PDZRN4: variants seen among roughly 807,000 people sequenced by gnomAD.
PDZRN4 encodes PDZ domain-containing RING finger protein 4.
Under a neutral mutation model 99.0 loss-of-function variants are expected in PDZRN4, and 70 were observed. That is an observed-to-expected ratio of 0.71 (90% CI 0.58 to 0.86). PDZRN4 has a LOEUF of 0.86. Among genes scored for constraint, PDZRN4 ranks in the 40% least tolerant of loss-of-function variants. The pLI is 0.00. For missense variants in PDZRN4, 1,474 were observed against 1,331.2 expected (o/e 1.11, Z -1.67); for synonymous variants, 551 against 501.6 (o/e 1.10, Z -1.32).
chr12:41,338,429 A>AT (rs1442823060), intron 3 of PDZRN4, among the ~76,000 whole-genome samples: 1 of 152,054 alleles, frequency 6.6e-6, no homozygotes, highest in East Asian at 1.9e-4. Flanking sequence ...TTATTTTTCC[A>AT]TTTTGAATAG....
chr12:41,439,395 T>C (rs1952658149), intron 3 of PDZRN4, among the ~76,000 whole-genome samples: 1 of 152,180 alleles, frequency 6.6e-6, no homozygotes, highest in East Asian at 1.9e-4. Context: ...TAGTATTGTT[T>C]CTCTTTGGGT....
At chr12:41,546,475 G>T (rs1938954357) in intron 5 of PDZRN4, among the ~76,000 whole-genome samples, 2 of 152,150 alleles carry the variant, frequency 1.3e-5, no homozygotes, top group Non-Finnish European at 2.9e-5. Context: ...GATACATACT[G>T]TACGATCTCA....
intron 3 of PDZRN4, among the ~76,000 whole-genome samples, chr12:41,292,628 G>A (rs1235483183): frequency 2.0e-5 from 3 of 152,074 alleles, no homozygotes; most frequent in Non-Finnish European, 2.9e-5. Context: ...TTTTAAGTAC[G>A]CATGATATTA....
chr12:41,374,161 G>GAACATTTC (rs139929974), intron 3 of PDZRN4, among the ~76,000 whole-genome samples: 71,907 of 151,926 alleles, frequency 0.47, 17,798 homozygotes, highest in Middle Eastern at 0.65. Flanking sequence ...GAAAATGCCT[G>GAACATTTC]AGGTACATGA....
intron 3 of PDZRN4, among the ~76,000 whole-genome samples, chr12:41,328,793 G>A (rs1698360861): frequency 6.6e-6 from 1 of 152,100 alleles, no homozygotes; most frequent in African/African-American, 2.4e-5. Flanking sequence ...ACCAGACTCA[G>A]GAAGACAGGA....
intron 3 of PDZRN4, among the ~76,000 whole-genome samples, chr12:41,465,515 AG>A (rs1952916378): frequency 6.6e-6 from 1 of 152,238 alleles, no homozygotes; most frequent in South Asian, 2.1e-4. Flanking sequence ...ATAAATGGAA[AG>A]ATTATGTATT....
chr12:41,569,917 G>A (rs1453522879), intron 9 of PDZRN4, among the ~76,000 whole-genome samples: 3 of 152,030 alleles, frequency 2.0e-5, no homozygotes. Flanking sequence ...TTCAACACTG[G>A]CCAAAAATAA....
intron 3 of PDZRN4, among the ~76,000 whole-genome samples, chr12:41,402,692 A>G (rs973951192): frequency 1.4e-5 from 2 of 139,778 alleles, no homozygotes; most frequent in African/African-American, 2.7e-5. Flanking sequence ...CTGAGTATAT[A>G]CATATATATA....
At chr12:41,367,912 C>G (rs1481252065) in intron 3 of PDZRN4, among the ~76,000 whole-genome samples, 1 of 152,102 alleles carries the variant, frequency 6.6e-6, no homozygotes, top group African/African-American at 2.4e-5. Context: ...ATCATTGGCA[C>G]TGAGTTTAAC....
chr12:41,562,520 G>T (rs1246578484), intron 7 of PDZRN4, among the ~76,000 whole-genome samples: 4 of 152,124 alleles, frequency 2.6e-5, no homozygotes, highest in Non-Finnish European at 5.9e-5. Context: ...AGAATTACTT[G>T]ATCTCTTTAA....
chr12:41,561,173 A>C (rs1277888267), intron 7 of PDZRN4, among the ~76,000 whole-genome samples: 1 of 152,220 alleles, frequency 6.6e-6, no homozygotes, highest in Non-Finnish European at 1.5e-5. Context: ...TCTAAGAGTT[A>C]GAAATACATA....
chr12:41,420,935 G>A (rs915634018), intron 3 of PDZRN4, among the ~76,000 whole-genome samples: 12 of 151,918 alleles, frequency 7.9e-5, no homozygotes, highest in Non-Finnish European at 1.6e-4. Context: ...GTTTATATTC[G>A]CTATTCACGG....
chr12:41,266,830 GCTGT>G (rs962476616), intron 3 of PDZRN4, among the ~76,000 whole-genome samples: 1 of 152,114 alleles, frequency 6.6e-6, no homozygotes, highest in East Asian at 1.9e-4. Context: ...GATAAATGAT[GCTGT>G]CTTTTATAAT....
chr12:41,339,906 CA>C (rs1213749971), intron 3 of PDZRN4, among the ~76,000 whole-genome samples: 2 of 151,732 alleles, frequency 1.3e-5, no homozygotes, highest in Non-Finnish European at 2.9e-5. Context: ...TGGCTTGTCT[CA>C]AAAAATGGGC....
intron 3 of PDZRN4, chr12:41,437,642 C>G: frequency 1.4e-6 from 1 of 690,448 alleles, no homozygotes; most frequent in Admixed American, 4.0e-5. Flanking sequence ...TATTAATATT[C>G]ATGAGCTGGA....
chr12:41,419,657 A>G (rs915167281), intron 3 of PDZRN4, among the ~76,000 whole-genome samples: 1 of 152,180 alleles, frequency 6.6e-6, no homozygotes, highest in African/African-American at 2.4e-5. Context: ...AGTGGGGTAC[A>G]TTAGTGTTAG....
chr12:41,258,474 A>T (rs929451412), intron 3 of PDZRN4, among the ~76,000 whole-genome samples: 20 of 152,158 alleles, frequency 1.3e-4, no homozygotes, highest in African/African-American at 4.3e-4. Context: ...ATGTTTGTAT[A>T]GATTAGCTTT....
chr12:41,445,987 T>C (rs574027561), intron 3 of PDZRN4, among the ~76,000 whole-genome samples: 71 of 152,200 alleles, frequency 4.7e-4, no homozygotes, highest in Non-Finnish European at 8.5e-4. Context: ...TCATTTCTTC[T>C]TTATTAATTC....
At chr12:41,402,323 C>T (rs188891703) in intron 3 of PDZRN4, among the ~76,000 whole-genome samples, 1,220 of 1,220 alleles carry the variant, frequency 1, 610 homozygotes, top group Non-Finnish European at 1. Flanking sequence ...TATATATATA[C>T]ACACACTGTG....
Sources: allele counts gnomAD v4.1 joint callset (sites outside exome capture counted in the v4.1 genomes callset), GRCh38; gene constraint gnomAD v4.1.1; transcripts MANE v1.5; gene names NCBI Gene and HGNC (gene_info 2026-07-23, HGNC 2026-07-21).